QTMAN: variants seen among roughly 807,000 people sequenced by gnomAD.
QTMAN encodes tRNA-queuosine alpha-mannosyltransferase.
the QTMAN span, among the ~76,000 whole-genome samples, chr2:144,331,658 A>C: frequency 6.6e-6 from 1 of 152,216 alleles, no homozygotes; most frequent in South Asian, 2.1e-4. Flanking sequence ...AGAGAAGGCA[A>C]AAAAACTACT....
the QTMAN span, among the ~76,000 whole-genome samples, chr2:144,053,038 G>A: frequency 0.029 from 4,384 of 152,198 alleles, 85 homozygotes; most frequent in East Asian, 0.071. Flanking sequence ...TGTCCAAACT[G>A]GTATTCCCAA....
At chr2:144,197,168 A>G in the QTMAN span, among the ~76,000 whole-genome samples, 2 of 152,174 alleles carry the variant, frequency 1.3e-5, no homozygotes, top group African/African-American at 2.4e-5. Flanking sequence ...ACACAATGGT[A>G]TTTGTGTATC....
chr2:144,298,309 C>T, the QTMAN span, among the ~76,000 whole-genome samples: 3 of 152,100 alleles, frequency 2.0e-5, no homozygotes, highest in African/African-American at 4.8e-5. Context: ...TGAGCCACCG[C>T]GCCCAGAGAG....
chr2:144,156,853 A>G, the QTMAN span, among the ~76,000 whole-genome samples: 2 of 152,056 alleles, frequency 1.3e-5, no homozygotes, highest in Non-Finnish European at 2.9e-5. Flanking sequence ...ATGAAACATG[A>G]TATGTAGGAC....
At chr2:144,055,824 C>A in the QTMAN span, among the ~76,000 whole-genome samples, 1 of 152,152 alleles carries the variant, frequency 6.6e-6, no homozygotes. Flanking sequence ...ATGACAGAGA[C>A]CTAGAACCTG....
chr2:143,957,922 C>A, the QTMAN span, among the ~76,000 whole-genome samples: 3 of 152,032 alleles, frequency 2.0e-5, no homozygotes, highest in African/African-American at 7.2e-5. Flanking sequence ...GACAATGCCA[C>A]GGGAGGTCTT....
At chr2:144,012,471 T>A in the QTMAN span, among the ~76,000 whole-genome samples, 1 of 152,154 alleles carries the variant, frequency 6.6e-6, no homozygotes, top group Non-Finnish European at 1.5e-5. Context: ...GTCGAGAGGC[T>A]AGAGTACTTG....
At chr2:144,219,340 A>G in the QTMAN span, among the ~76,000 whole-genome samples, 1 of 152,146 alleles carries the variant, frequency 6.6e-6, no homozygotes, top group Non-Finnish European at 1.5e-5. Context: ...CATGTTGGCC[A>G]GGCTGGTCTC....
the QTMAN span, among the ~76,000 whole-genome samples, chr2:144,089,623 T>C: frequency 7.2e-5 from 11 of 151,988 alleles, no homozygotes; most frequent in Admixed American, 5.9e-4. Context: ...AAAAAAAGAA[T>C]ATGTCATTTG....
the QTMAN span, chr2:144,141,820 T>G: frequency 7.8e-7 from 1 of 1,287,038 alleles, no homozygotes; most frequent in Non-Finnish European, 1.1e-6. Flanking sequence ...AGAACATCAA[T>G]TTTTATACAT....
At chr2:144,234,262 G>A in the QTMAN span, among the ~76,000 whole-genome samples, 4 of 152,122 alleles carry the variant, frequency 2.6e-5, no homozygotes, top group Non-Finnish European at 4.4e-5. Context: ...ATTCAATTCT[G>A]TACTAGAAGT....
chr2:144,033,638 C>G, the QTMAN span, among the ~76,000 whole-genome samples: 1 of 152,170 alleles, frequency 6.6e-6, no homozygotes. Flanking sequence ...TATCCAGTCC[C>G]TCTTTCTTAT....
chr2:144,098,854 A>G, the QTMAN span, among the ~76,000 whole-genome samples: 1 of 152,088 alleles, frequency 6.6e-6, no homozygotes, highest in African/African-American at 2.4e-5. Flanking sequence ...TTAGAAAAAA[A>G]AAAAAAAACT....
the QTMAN span, among the ~76,000 whole-genome samples, chr2:144,245,846 C>T: frequency 1.3e-3 from 197 of 152,214 alleles, no homozygotes; most frequent in Non-Finnish European, 2.1e-3. Flanking sequence ...TGGGAATAAT[C>T]GGAATATAAT....
At chr2:144,273,592 C>T in the QTMAN span, among the ~76,000 whole-genome samples, 1 of 152,142 alleles carries the variant, frequency 6.6e-6, no homozygotes, top group Non-Finnish European at 1.5e-5. Context: ...ACTCTAAGGA[C>T]TGGTCTTATA....
chr2:143,967,728 T>G, the QTMAN span, among the ~76,000 whole-genome samples: 1 of 152,166 alleles, frequency 6.6e-6, no homozygotes, highest in Non-Finnish European at 1.5e-5. Context: ...AGATTACGAA[T>G]GCTGAATGGT....
At chr2:143,954,084 T>C in the QTMAN span, among the ~76,000 whole-genome samples, 4 of 151,968 alleles carry the variant, frequency 2.6e-5, no homozygotes, top group Non-Finnish European at 4.4e-5. Context: ...AATTTCAGAA[T>C]GCAAACTAAT....
At chr2:144,164,699 CAA>C in the QTMAN span, among the ~76,000 whole-genome samples, 1 of 152,016 alleles carries the variant, frequency 6.6e-6, no homozygotes, top group African/African-American at 2.4e-5. Flanking sequence ...GTCTTTTTTC[CAA>C]ACACAGTGCA....
At chr2:144,205,738 G>A in the QTMAN span, among the ~76,000 whole-genome samples, 1 of 152,148 alleles carries the variant, frequency 6.6e-6, no homozygotes, top group African/African-American at 2.4e-5. Flanking sequence ...AATGAAAAGT[G>A]AATAAAATAT....
Sources: gnomAD v4.1 joint callset for allele counts (sites outside exome capture counted in the v4.1 genomes callset) on GRCh38, gnomAD v4.1.1 for gene constraint, MANE v1.5 for transcripts, NCBI Gene and HGNC (gene_info 2026-07-23, HGNC 2026-07-21) for gene names.